The following GLIS1 variants were observed in gnomAD, a reference collection of about 807,000 sequenced individuals.
The protein encoded by GLIS1 is zinc finger protein GLIS1.
GLIS1 carries 24 observed loss-of-function variants against 63.8 expected under a neutral mutation model. The observed-to-expected ratio is 0.38, with a 90% CI of 0.27 to 0.53. The LOEUF (loss-of-function observed/expected upper bound fraction) is 0.53. Ranked by LOEUF, GLIS1 falls within the 20% of genes least tolerant of loss-of-function variation. The pLI is 0.85. For missense variants in GLIS1, 1,036 were observed against 1,074.1 expected, an observed-to-expected ratio of 0.96 and a Z score of 0.50; for synonymous variants, 450 against 482.5, an observed-to-expected ratio of 0.93 and a Z score of 0.88.
chr1:53,697,106 C>G (rs1033115729), intron 2 of GLIS1, among the ~76,000 whole-genome samples: 1 of 152,176 alleles, frequency 6.6e-6, no homozygotes, highest in South Asian at 2.1e-4. Flanking sequence ...CGGGAGGGAG[C>G]TGGGAGGAGG....
At chr1:53,726,956 C>A (rs1646811706) in intron 2 of GLIS1, among the ~76,000 whole-genome samples, 2 of 152,244 alleles carry the variant, frequency 1.3e-5, no homozygotes, top group Admixed American at 6.5e-5. Context: ...CACAGCTCAC[C>A]TCTGGGACAC....
At chr1:53,708,579 T>C (rs1646605847) in intron 2 of GLIS1, among the ~76,000 whole-genome samples, 1 of 152,116 alleles carries the variant, frequency 6.6e-6, no homozygotes, top group Non-Finnish European at 1.5e-5. Flanking sequence ...ACGGGACTGG[T>C]GTCGCCTAGC....
At chr1:53,722,219 T>C (rs972354646) in intron 2 of GLIS1, among the ~76,000 whole-genome samples, 14 of 152,230 alleles carry the variant, frequency 9.2e-5, no homozygotes, top group Admixed American at 2.6e-4. Flanking sequence ...TGTGGTAATA[T>C]GTGTTAAATG....
chr1:53,585,422 C>T (rs978108873), intron 4 of GLIS1, among the ~76,000 whole-genome samples: 1 of 151,660 alleles, frequency 6.6e-6, no homozygotes, highest in Non-Finnish European at 1.5e-5. Context: ...GGGATTTGAA[C>T]CTTAGTGGTT....
At chr1:53,538,659 C>T (rs944721971) in intron 4 of GLIS1, among the ~76,000 whole-genome samples, 17 of 152,122 alleles carry the variant, frequency 1.1e-4, no homozygotes, top group Non-Finnish European at 2.2e-4. Context: ...CAAGGGAGAA[C>T]AGGACAGAGG....
chr1:53,534,289 A>G (rs900783080), intron 4 of GLIS1, among the ~76,000 whole-genome samples: 2 of 152,014 alleles, frequency 1.3e-5, no homozygotes, highest in African/African-American at 4.8e-5. Context: ...AGGTAATGGC[A>G]CCACGACCCG....
intron 2 of GLIS1, among the ~76,000 whole-genome samples, chr1:53,611,107 C>T (rs1645420485): frequency 6.6e-6 from 1 of 151,928 alleles, no homozygotes; most frequent in Non-Finnish European, 1.5e-5. Flanking sequence ...TTTTTTGAGA[C>T]AGGGTCCTGC....
chr1:53,721,264 C>A (rs937256754), intron 2 of GLIS1, among the ~76,000 whole-genome samples: 3 of 152,164 alleles, frequency 2.0e-5, no homozygotes, highest in Non-Finnish European at 4.4e-5. Flanking sequence ...CTAATCCCAG[C>A]TCCACCACTC....
rs1248610130 is a variant in GLIS1, at chr1:53,511,056, C to G, written c.1884-1029G>C. Among the ~76,000 whole-genome samples, 1 of 152,208 alleles carries G rather than the reference C, an allele frequency of 6.6e-6. No homozygotes were observed. Among genetic ancestry groups the G allele is most frequent in the Non-Finnish European group, 1.5e-5 (1 of 68,036 alleles). ...TCCCTTCTCATGCTACCTTCCTAAG[C>G]CCCTGGGCCCCGTTCACAGGGGCTA... On this transcript the variant is annotated intron_variant, in intron 8 of 10. Coordinates refer to ENST00000628545, the MANE Select transcript of GLIS1 (RefSeq NM_001367484.1). This position sits in a 1 kb window ranked among gnomAD's most constrained non-coding sequence, Gnocchi z 4.2.
chr1:53,712,842 C>G (rs1646659673), intron 2 of GLIS1, among the ~76,000 whole-genome samples: 1 of 152,150 alleles, frequency 6.6e-6, no homozygotes, highest in South Asian at 2.1e-4. Flanking sequence ...GGCTACAACA[C>G]GGACTCTCCT....
At chr1:53,688,724 T>A (rs1475242442) in intron 2 of GLIS1, 2 of 152,176 alleles carry the variant, frequency 1.3e-5, no homozygotes, top group African/African-American at 4.8e-5. Flanking sequence ...AAATAAGTAG[T>A]TTTTAAATTG....
chr1:53,659,341 C>T (rs1023884119), intron 2 of GLIS1, among the ~76,000 whole-genome samples: 1 of 152,170 alleles, frequency 6.6e-6, no homozygotes, highest in African/African-American at 2.4e-5. Flanking sequence ...GCTTTCCAGC[C>T]CTGGGGTGAG....
At chr1:53,715,082 A>C (rs533203243) in intron 2 of GLIS1, among the ~76,000 whole-genome samples, 2 of 152,172 alleles carry the variant, frequency 1.3e-5, no homozygotes, top group East Asian at 3.9e-4. Flanking sequence ...AGGTTCACTT[A>C]GTTTTTTTAT....
rs11288157 is a variant in GLIS1 at position 53,732,469 on chromosome 1, CTTT to C, written c.259+5334_259+5336del. On this transcript the variant is annotated intron_variant, in intron 2 of 10. Coordinates refer to ENST00000628545, the MANE Select transcript of GLIS1 (RefSeq NM_001367484.1). ...TGGACTTTGCTTCCAATGCTGAAAG[CTTT>C]TTTTTTTTTTTCATTGTAAACTATT... Among the ~76,000 whole-genome samples, 106 of 145,986 alleles carry C rather than the reference CTTT, an allele frequency of 7.3e-4. 1 individual carries two copies. Among genetic ancestry groups the C allele is most frequent in the African/African-American group, 2.3e-3 (93 of 40,050 alleles).
chr1:53,538,298 C>T (rs1644603224), intron 4 of GLIS1, among the ~76,000 whole-genome samples: 1 of 152,216 alleles, frequency 6.6e-6, no homozygotes, highest in Admixed American at 6.5e-5. Context: ...GCAGTGCCAC[C>T]TGCATACATG....
At chr1:53,512,747 G>A (rs976888589) in intron 8 of GLIS1, among the ~76,000 whole-genome samples, 1 of 152,190 alleles carries the variant, frequency 6.6e-6, no homozygotes, top group African/African-American at 2.4e-5. Flanking sequence ...TTCTTGACGG[G>A]CACTTATGCA....
chr1:53,674,185 A>G (rs899686850), intron 2 of GLIS1, among the ~76,000 whole-genome samples: 10 of 151,850 alleles, frequency 6.6e-5, no homozygotes, highest in Non-Finnish European at 1.0e-4. Context: ...AAAAAAAAAA[A>G]AAAAGAAAAG....
intron 2 of GLIS1, among the ~76,000 whole-genome samples, chr1:53,622,450 A>AAG (rs1186867096): frequency 7.1e-6 from 1 of 141,474 alleles, no homozygotes; most frequent in Non-Finnish European, 1.6e-5. Flanking sequence ...AAAAAAAAAA[A>AAG]GAAGAAGAAG....
At chr1:53,734,024 G>T (rs1286643727) in intron 2 of GLIS1, 1 of 983,328 alleles carries the variant, frequency 1.0e-6, no homozygotes, top group African/African-American at 1.8e-5. Flanking sequence ...ACTGTCCACC[G>T]CCCCCACTCC....
Sources: gnomAD v4.1 joint callset for allele counts (sites outside exome capture counted in the v4.1 genomes callset) on GRCh38, gnomAD v4.1.1 for gene constraint, Gnocchi (gnomAD v3.1) non-coding constraint, MANE v1.5 for transcripts, NCBI Gene and HGNC (gene_info 2026-07-23, HGNC 2026-07-21) for gene names.